LSM14A: variants seen among roughly 807,000 people sequenced by gnomAD.
The protein encoded by LSM14A is protein LSM14 homolog A.
LSM14A carries 14 observed loss-of-function variants against 52.4 expected under a neutral mutation model. The observed-to-expected ratio is 0.27, with a 90% CI of 0.18 to 0.42. The LOEUF (loss-of-function observed/expected upper bound fraction) is 0.42, where lower values mean the gene tolerates loss of function less well. LSM14A is among the 10% of genes least tolerant of loss of function. The probability of loss-of-function intolerance (pLI) is 1.00; values close to 1 mark genes in which losing one functional copy is unlikely to be tolerated. For synonymous variants in LSM14A, 185 were observed against 200.3 expected (o/e 0.92, Z 0.64); for missense variants, 417 against 581.8 (o/e 0.72, Z 2.91).
At chr19:34,180,737 C>T (rs1386064808) in intron 1 of LSM14A, among the ~76,000 whole-genome samples, 1 of 152,168 alleles carries the variant, frequency 6.6e-6, no homozygotes. Flanking sequence ...CACATTCCCT[C>T]AGCCCCCACC....
chr19:34,219,269 T>G (rs932168719), intron 6 of LSM14A, 122 bp from the exon 7 acceptor site: 4 of 539,562 alleles, frequency 7.4e-6, no homozygotes, highest in East Asian at 6.0e-5. Context: ...ATAAAATATA[T>G]AGAGAGACCT....
intron 1 of LSM14A, among the ~76,000 whole-genome samples, chr19:34,191,542 T>A (rs2070386574): frequency 6.6e-6 from 1 of 152,118 alleles, no homozygotes; most frequent in Admixed American, 6.5e-5. Context: ...CTTTCCATCT[T>A]TCCTGTAAAA....
chr19:34,226,375 CT>C (rs528137318), intron 9 of LSM14A: 170,564 of 1,178,374 alleles, frequency 0.14, 75 homozygotes, highest in Non-Finnish European at 0.15. Flanking sequence ...ATCTCTTTCT[CT>C]TTTTTTTTTT....
At chr19:34,189,860 T>A (rs2070219409) in intron 1 of LSM14A, among the ~76,000 whole-genome samples, 1 of 152,208 alleles carries the variant, frequency 6.6e-6, no homozygotes, top group Non-Finnish European at 1.5e-5. Context: ...ACAAATAATT[T>A]GGTAAATTTA....
Position 34,196,749 on chromosome 19 carries a change from G to C in LSM14A, c.401G>C (p.Gly134Ala). ...SPSSLVGQQFGAVGVAGSSLT... is the reference protein window; with the variant it reads ...SPSSLVGQQFAAVGVAGSSLT... ...AGTTCCTTAGTTGGGCAGCAGTTTG[G>C]TGCTGTTGGTGTTGGTATGTTTTCT... The change falls in exon 3 of 10, where the codon GGT (glycine) becomes GCT (alanine). Residue 134 changes from glycine (G) to alanine (A), a missense_variant. Physicochemically the swap from Gly to Ala is moderately conservative, Grantham distance 60 (BLOSUM62 0). Around this residue, in one of 2 missense-constraint regions of LSM14A, gnomAD observed 357 missense variants for 457.0 expected, o/e 0.78. Coordinates refer to ENST00000544216, the MANE Select transcript of LSM14A (RefSeq NM_015578.4). 6.2e-7 allele frequency: 1 copy of C among 1,601,418 alleles called. No homozygotes were observed. Among genetic ancestry groups the C allele is most frequent in the Non-Finnish European group, 8.5e-7 (1 of 1,177,096 alleles).
intron 9 of LSM14A, chr19:34,226,375 C>CTTTTTTTTTTTTTTTTT: frequency 8.4e-7 from 1 of 1,195,542 alleles, no homozygotes; most frequent in South Asian, 1.6e-5. Flanking sequence ...ATCTCTTTCT[C>CTTTTTTTTTTTTTTTTT]TTTTTTTTTT....
chr19:34,197,580 AG>A (rs1371392226), intron 3 of LSM14A, among the ~76,000 whole-genome samples: 1 of 150,690 alleles, frequency 6.6e-6, no homozygotes, highest in African/African-American at 2.4e-5. Flanking sequence ...CTGGGATTAC[AG>A]GTGTGCGCCA....
chr19:34,200,000 G>A (rs752823462), intron 3 of LSM14A, among the ~76,000 whole-genome samples: 1 of 152,182 alleles, frequency 6.6e-6, no homozygotes, highest in Admixed American at 6.5e-5. Flanking sequence ...TACCAACTTC[G>A]TTGAGTGCTC....
chr19:34,193,330 G>GTTTA (rs10643708), intron 1 of LSM14A, among the ~76,000 whole-genome samples: 89,286 of 151,454 alleles, frequency 0.59, 27,089 homozygotes, highest in African/African-American at 0.68. Flanking sequence ...TTTTAAAAAT[G>GTTTA]TTTATTTTTT....
At chr19:34,216,538 C>T (rs1455090550) in intron 6 of LSM14A, among the ~76,000 whole-genome samples, 3 of 152,042 alleles carry the variant, frequency 2.0e-5, no homozygotes. Context: ...CAGCTCACGG[C>T]AGCCTCCGCC....
At chr19:34,202,435 A>G (rs1310617171) in intron 3 of LSM14A, among the ~76,000 whole-genome samples, 3 of 151,394 alleles carry the variant, frequency 2.0e-5, no homozygotes, top group African/African-American at 7.3e-5. Context: ...AGAGGTTGCA[A>G]TGAACCAAGA....
intron 3 of LSM14A, among the ~76,000 whole-genome samples, chr19:34,197,605 A>AT (rs1160140742): frequency 1.4e-5 from 2 of 148,118 alleles, no homozygotes; most frequent in Non-Finnish European, 3.0e-5. Flanking sequence ...CTCCCAGCCA[A>AT]TTTTTTTGTA....
chr19:34,197,881 C>G (rs773648696), intron 3 of LSM14A, among the ~76,000 whole-genome samples: 1 of 152,088 alleles, frequency 6.6e-6, no homozygotes, highest in Non-Finnish European at 1.5e-5. Context: ...TATAGCAGGG[C>G]TGGGCGAATG....
At chr19:34,205,487 CAAAAAAAAAAAAA>C (rs140536208) in intron 3 of LSM14A, among the ~76,000 whole-genome samples, 2,486 of 95,246 alleles carry the variant, frequency 0.026, 41 homozygotes, top group South Asian at 0.064. Flanking sequence ...CTCCATCTCA[CAAAAAAAAAAAAA>C]AAAAAAAAAA....
At chr19:34,212,827 G>A (rs775434336) in intron 4 of LSM14A, among the ~76,000 whole-genome samples, 9 of 152,152 alleles carry the variant, frequency 5.9e-5, no homozygotes, top group African/African-American at 1.2e-4. Flanking sequence ...AAATGTTTCT[G>A]TACTTGCTCC....
chr19:34,193,291 A>T (rs1240785077), intron 1 of LSM14A, among the ~76,000 whole-genome samples: 2 of 152,076 alleles, frequency 1.3e-5, no homozygotes, highest in African/African-American at 4.8e-5. Context: ...AGCTGGGACT[A>T]CAGGCATGCA....
chr19:34,207,900 A>G (rs1182576267), intron 3 of LSM14A, among the ~76,000 whole-genome samples: 1 of 152,138 alleles, frequency 6.6e-6, no homozygotes, highest in Non-Finnish European at 1.5e-5. Context: ...AAGGAAGGGG[A>G]GAGTGTCCTA....
At chr19:34,223,791 A>C (rs2073193738) in intron 9 of LSM14A, among the ~76,000 whole-genome samples, 1 of 152,218 alleles carries the variant, frequency 6.6e-6, no homozygotes, top group Non-Finnish European at 1.5e-5. Flanking sequence ...TTGGATCCAG[A>C]TGAGAATAAT....
At position 34,219,473 on chromosome 19, in the gene LSM14A, G is replaced by A. The variant is rs752437224; in HGVS notation, c.864G>A (p.Gly288=). 6.2e-7 allele frequency: 1 copy of A among 1,614,008 alleles called. No homozygotes were observed. Among genetic ancestry groups the A allele is most frequent in the Non-Finnish European group, 8.5e-7 (1 of 1,179,962 alleles). ...GRGRFGIRRD[G]PMKFEKDFDF... ...GAAGATTTGGTATTCGGCGAGATGG[G>A]CCAATGAAATTTGAGAAAGACTTTG... The change falls in exon 7 of 10, where the codon GGG becomes GGA. Residue 288 remains glycine, a synonymous_variant. Transcript: ENST00000544216.
Sources: allele counts gnomAD v4.1 joint callset (sites outside exome capture counted in the v4.1 genomes callset), GRCh38; gene constraint gnomAD v4.1.1; regional missense constraint gnomAD v4.1.1; transcripts MANE v1.5; gene names NCBI Gene and HGNC (gene_info 2026-07-23, HGNC 2026-07-21).